The following SH3KBP1 variants were observed in gnomAD, a reference collection of about 807,000 sequenced individuals.
SH3KBP1 encodes the protein SH3 domain-containing kinase-binding protein 1.
In SH3KBP1, 8 loss-of-function variants were observed where a neutral mutation model predicts 50.1. The ratio of observed to expected loss-of-function variants is 0.16; its 90% CI spans 0.09 to 0.29. The LOEUF (loss-of-function observed/expected upper bound fraction) is 0.29, where lower values mean the gene tolerates loss of function less well. Ranked by LOEUF, SH3KBP1 falls within the 10% of genes least tolerant of loss-of-function variation. The pLI, the probability that SH3KBP1 is intolerant of heterozygous loss-of-function variation, is 1.00. For missense variants in SH3KBP1, 377 were observed against 535.2 expected (o/e 0.70, Z 2.92); for synonymous variants, 227 against 218.6 (o/e 1.04, Z -0.34).
intron 9 of SH3KBP1, among the ~76,000 whole-genome samples, chrX:19,605,358 G>T (rs780354746): frequency 9.0e-6 from 1 of 111,718 alleles, no homozygotes; most frequent in African/African-American, 3.3e-5. Context: ...GCATCACGTT[G>T]TAAACATTAA....
chrX:19,666,497 C>G (rs2062602835), intron 6 of SH3KBP1, among the ~76,000 whole-genome samples: 1 of 110,767 alleles, frequency 9.0e-6, no homozygotes, highest in Non-Finnish European at 1.9e-5. Context: ...GATTTGTAGT[C>G]TCTTCAGATT....
chrX:19,867,942 A>G (rs971767514), intron 1 of SH3KBP1, among the ~76,000 whole-genome samples: 10 of 111,481 alleles, frequency 9.0e-5, no homozygotes, highest in South Asian at 3.8e-4. Context: ...ATGACTTCCC[A>G]AAGACCCCAT....
chrX:19,765,785 C>T (rs2065586221), intron 2 of SH3KBP1, among the ~76,000 whole-genome samples: 1 of 112,026 alleles, frequency 8.9e-6, no homozygotes, highest in Non-Finnish European at 1.9e-5. Flanking sequence ...ACTTTAGATA[C>T]CTCATATAGG....
intron 6 of SH3KBP1, among the ~76,000 whole-genome samples, chrX:19,677,691 T>G (rs1426376086): frequency 8.9e-6 from 1 of 112,516 alleles, no homozygotes; most frequent in Non-Finnish European, 1.9e-5. Context: ...AAGTCCTCCC[T>G]CTTCTTTATC....
Position 19,536,236 on chromosome X carries a change from G to T in SH3KBP1, c.*181C>A. ...GTGCCAGCCCCAGGACTAAACCCTG[G>T]GGAAGATTCTCCTCTTGGATGGAAT... On this transcript the variant is annotated 3_prime_UTR_variant, in exon 18 of 18. Coordinates refer to ENST00000397821, the MANE Select transcript of SH3KBP1 (RefSeq NM_031892.3). 2.7e-6 allele frequency: 1 copy of T among 376,083 alleles called. No individual in the cohort carries two copies. Among genetic ancestry groups the T allele is most frequent in the Non-Finnish European group, 4.7e-6 (1 of 211,134 alleles). The allele number at this position is 376,083 out of a possible 1,213,427, so 31.0% of individuals were successfully genotyped here.
chrX:19,608,157 G>A, intron 8 of SH3KBP1, 112 bp from the exon 9 acceptor site: 1 of 567,345 alleles, frequency 1.8e-6, no homozygotes, highest in Non-Finnish European at 2.8e-6. Context: ...GTGTTAATGA[G>A]GCAATGGTTA....
At chrX:19,577,880 C>T (rs1025122419) in intron 12 of SH3KBP1, among the ~76,000 whole-genome samples, 1 of 111,229 alleles carries the variant, frequency 9.0e-6, no homozygotes, top group African/African-American at 3.3e-5. Context: ...CACCCCTCTC[C>T]GCCGCCACCC....
chrX:19,670,031 G>C (rs779464438), intron 6 of SH3KBP1, among the ~76,000 whole-genome samples: 21 of 109,709 alleles, frequency 1.9e-4, no homozygotes, highest in Non-Finnish European at 3.0e-4. Flanking sequence ...GAAGACATAT[G>C]ACACACTGTA....
intron 1 of SH3KBP1, among the ~76,000 whole-genome samples, chrX:19,853,744 C>T (rs2068573245): frequency 9.0e-6 from 1 of 111,064 alleles, no homozygotes; most frequent in Non-Finnish European, 1.9e-5. Flanking sequence ...GGGCAGCTCA[C>T]CTGAGGTCAG....
chrX:19,671,143 G>T, intron 6 of SH3KBP1: 1 of 463,446 alleles, frequency 2.2e-6, no homozygotes, highest in Non-Finnish European at 3.3e-6. Context: ...GCCCCCAGGT[G>T]TGACCATTCG....
chrX:19,603,601 C>T (rs941774284), intron 9 of SH3KBP1, among the ~76,000 whole-genome samples: 2 of 112,732 alleles, frequency 1.8e-5, no homozygotes, highest in African/African-American at 6.4e-5. Context: ...CTTGCACTAA[C>T]ACTGAAGAGC....
In SH3KBP1 at chrX:19,569,149, T is replaced by G. The variant is rs977470496; in HGVS notation, c.1338A>C (p.Leu446=). ...AGAGATCTTTGTCCAGGATGCCAGATAGCGAACTGCCGGCCAAGTCAATCT... is the reference window on the plus strand; with the variant it reads ...AGAGATCTTTGTCCAGGATGCCAGAGAGCGAACTGCCGGCCAAGTCAATCT... ...SPKIDLAGSS[L]SGILDKDLSD... is the part of the protein sequence containing the mutation. Residue 446 remains leucine, a synonymous_variant, in exon 13 of 18, where the codon CTA becomes CTC. Transcript: ENST00000397821. The G allele has an allele frequency of 1.7e-6, 2 of 1,211,783 alleles. No homozygotes were observed. Among genetic ancestry groups the G allele is most frequent in the African/African-American group, 1.7e-5 (1 of 57,958 alleles).
intron 2 of SH3KBP1, among the ~76,000 whole-genome samples, chrX:19,755,077 T>TA (rs1241467659): frequency 1.8e-5 from 2 of 112,069 alleles, no homozygotes; most frequent in African/African-American, 6.5e-5. Context: ...AAAGGGTCAA[T>TA]AAATTACAGA....
At chrX:19,724,491 C>T (rs1209437754) in intron 3 of SH3KBP1, among the ~76,000 whole-genome samples, 1 of 112,328 alleles carries the variant, frequency 8.9e-6, no homozygotes, top group Non-Finnish European at 1.9e-5. Flanking sequence ...CAAACTATTA[C>T]TGTAAAGGGC....
Position 19,598,315 on chromosome X carries a change from C to T in SH3KBP1, c.1006-3315G>A, listed in dbSNP as rs770699615. Among the ~76,000 whole-genome samples, 13 of 110,323 alleles carry T rather than the reference C, an allele frequency of 1.2e-4. No individual in the cohort carries two copies. The South Asian group carries it at 3.1e-3, about 26-fold the overall frequency. ...CTATGTTGCCCAGGCTGGTCTCGAGCTCCTGGGCTCAAGTGATCCTCCCAT... is the reference window on the plus strand; with the variant it reads ...CTATGTTGCCCAGGCTGGTCTCGAGTTCCTGGGCTCAAGTGATCCTCCCAT... On this transcript the variant is annotated intron_variant, in intron 9 of 17. Transcript: ENST00000397821.
chrX:19,755,943 C>T (rs2065196878), intron 2 of SH3KBP1, among the ~76,000 whole-genome samples: 1 of 111,588 alleles, frequency 9.0e-6, no homozygotes, highest in Admixed American at 9.5e-5. Flanking sequence ...CTCACGCAGA[C>T]CCCCTTAGAG....
chrX:19,868,523 G>A (rs1396913080), intron 1 of SH3KBP1, among the ~76,000 whole-genome samples: 3 of 108,515 alleles, frequency 2.8e-5, no homozygotes, highest in Non-Finnish European at 3.8e-5. Flanking sequence ...GCAAAAATGC[G>A]ATGGTATGAT....
chrX:19,760,084 C>CTCCA (rs2065366305), intron 2 of SH3KBP1, among the ~76,000 whole-genome samples: 1 of 93,209 alleles, frequency 1.1e-5, no homozygotes, highest in Non-Finnish European at 2.1e-5. Flanking sequence ...CTCTCTCTCT[C>CTCCA]GACACACACA....
intron 1 of SH3KBP1, among the ~76,000 whole-genome samples, chrX:19,874,064 A>ATATATAT (rs1156304486): frequency 1.2e-5 from 1 of 84,547 alleles, no homozygotes; most frequent in African/African-American, 5.9e-5. Context: ...AAAAAAAAAA[A>ATATATAT]AAAAATATAT....
Sources: allele counts gnomAD v4.1 joint callset (sites outside exome capture counted in the v4.1 genomes callset), GRCh38; gene constraint gnomAD v4.1.1; transcripts MANE v1.5; gene names NCBI Gene and HGNC (gene_info 2026-07-23, HGNC 2026-07-21).